LOC400499: variants seen among roughly 807,000 people sequenced by gnomAD.
chr16:11,483,739 A>T, the LOC400499 span, among the ~76,000 whole-genome samples: 1 of 150,706 alleles, frequency 6.6e-6, no homozygotes, highest in Non-Finnish European at 1.5e-5. Flanking sequence ...GATAGGCATG[A>T]TGGCACATGC....
chr16:11,438,284 C>T, the LOC400499 span, among the ~76,000 whole-genome samples: 1 of 152,122 alleles, frequency 6.6e-6, no homozygotes, highest in East Asian at 1.9e-4. Context: ...TCTGGGAACT[C>T]CACAAAAGCA....
At chr16:11,501,673 T>C in the LOC400499 span, among the ~76,000 whole-genome samples, 57 of 152,052 alleles carry the variant, frequency 3.7e-4, no homozygotes, top group Middle Eastern at 6.8e-3. Flanking sequence ...TAGCCCCAGA[T>C]CAGCAAGGTC....
chr16:11,391,473 A>G, the LOC400499 span, among the ~76,000 whole-genome samples: 1 of 152,216 alleles, frequency 6.6e-6, no homozygotes, highest in South Asian at 2.1e-4. Context: ...GCAGACCCAG[A>G]AAAAACAAAG....
chr16:11,486,102 G>A, the LOC400499 span, among the ~76,000 whole-genome samples: 1 of 151,204 alleles, frequency 6.6e-6, no homozygotes, highest in African/African-American at 2.4e-5. Flanking sequence ...ACGGATAGAT[G>A]GATGAATGAT....
the LOC400499 span, chr16:11,476,922 C>G: frequency 7.5e-6 from 3 of 399,164 alleles, no homozygotes; most frequent in African/African-American, 2.1e-5. Flanking sequence ...CTGTGCCCAT[C>G]TGAGCTGAGA....
the LOC400499 span, chr16:11,469,625 T>C: frequency 2.5e-6 from 1 of 399,124 alleles, no homozygotes; most frequent in Non-Finnish European, 4.4e-6. Context: ...GGCGTGCCCA[T>C]GAAGACGTGG....
At chr16:11,391,757 C>A in the LOC400499 span, 1 of 1,232,102 alleles carries the variant, frequency 8.1e-7, no homozygotes, top group South Asian at 4.1e-5. Context: ...TCCGGGCCCA[C>A]AAAGTGGCTA....
chr16:11,477,490 G>C, the LOC400499 span, among the ~76,000 whole-genome samples: 1 of 152,206 alleles, frequency 6.6e-6, no homozygotes, highest in Admixed American at 6.5e-5. Context: ...GGCTTGGTTG[G>C]TCGGGAGGGC....
chr16:11,433,610 C>T, the LOC400499 span, among the ~76,000 whole-genome samples: 1 of 152,132 alleles, frequency 6.6e-6, no homozygotes, highest in Non-Finnish European at 1.5e-5. Context: ...TTGGTGGGTT[C>T]CTGGACAGGA....
the LOC400499 span, among the ~76,000 whole-genome samples, chr16:11,376,810 C>A: frequency 6.6e-6 from 1 of 152,172 alleles, no homozygotes; most frequent in Non-Finnish European, 1.5e-5. Context: ...GATATTCTTA[C>A]AATCCATAAA....
chr16:11,460,571 T>C, the LOC400499 span: 1 of 1,535,546 alleles, frequency 6.5e-7, no homozygotes, highest in African/African-American at 1.4e-5. Flanking sequence ...CCGCAGCTTC[T>C]GGCTGGTGCT....
At chr16:11,498,919 G>A in the LOC400499 span, among the ~76,000 whole-genome samples, 1 of 150,286 alleles carries the variant, frequency 6.7e-6, no homozygotes, top group Non-Finnish European at 1.5e-5. Flanking sequence ...TGAGGCCTGG[G>A]AAAGTAAAGT....
chr16:11,469,075 G>C, the LOC400499 span: 6 of 398,582 alleles, frequency 1.5e-5, no homozygotes, highest in South Asian at 7.9e-4. Context: ...GAAGATCCCA[G>C]AGGTGGTGGC....
chr16:11,490,193 C>G, the LOC400499 span, among the ~76,000 whole-genome samples: 2 of 151,420 alleles, frequency 1.3e-5, no homozygotes, highest in Non-Finnish European at 2.9e-5. Flanking sequence ...GTCAGGAGTT[C>G]GAGACCAGCC....
At chr16:11,464,742 G>A in the LOC400499 span, among the ~76,000 whole-genome samples, 2 of 152,182 alleles carry the variant, frequency 1.3e-5, no homozygotes, top group African/African-American at 4.8e-5. Flanking sequence ...GATGAGTCTG[G>A]GGCAGACGGA....
At chr16:11,383,188 C>G in the LOC400499 span, among the ~76,000 whole-genome samples, 1 of 152,048 alleles carries the variant, frequency 6.6e-6, no homozygotes, top group Non-Finnish European at 1.5e-5. Context: ...GCCTCAGCCT[C>G]CTGAGTAGCT....
the LOC400499 span, among the ~76,000 whole-genome samples, chr16:11,484,663 G>C: frequency 2.6e-5 from 4 of 152,102 alleles, no homozygotes; most frequent in Admixed American, 6.6e-5. Flanking sequence ...TTACAACTTA[G>C]GGACTTTTCC....
the LOC400499 span, among the ~76,000 whole-genome samples, chr16:11,444,805 G>A: frequency 2.6e-5 from 4 of 152,266 alleles, no homozygotes; most frequent in South Asian, 8.3e-4. Context: ...ACTGGGGCCA[G>A]GTACGGTGGT....
the LOC400499 span, among the ~76,000 whole-genome samples, chr16:11,509,101 A>ACTGAGTATC: frequency 6.0e-5 from 9 of 149,550 alleles, no homozygotes; most frequent in African/African-American, 2.0e-4. Context: ...ATCAGGGAAC[A>ACTGAGTATC]CTGAGTATCC....
Sources: allele counts gnomAD v4.1 joint callset (sites outside exome capture counted in the v4.1 genomes callset), GRCh38; gene constraint gnomAD v4.1.1; transcripts MANE v1.5.